GPC6: variants seen among roughly 807,000 people sequenced by gnomAD.
GPC6 encodes glypican 6.
Under a neutral mutation model 55.2 loss-of-function variants are expected in GPC6, and 14 were observed. That is an observed-to-expected ratio of 0.25 (90% CI 0.17 to 0.40). The LOEUF is 0.40. GPC6 is among the 10% of genes least tolerant of loss of function. GPC6 has a pLI of 1.00. For missense variants in GPC6, 641 were observed against 708.5 expected (o/e 0.90, Z 1.08); for synonymous variants, 278 against 259.6 (o/e 1.07, Z -0.68).
intron 2 of GPC6, among the ~76,000 whole-genome samples, chr13:93,588,960 T>C (rs1374516870): frequency 6.6e-6 from 1 of 152,160 alleles, no homozygotes; most frequent in Non-Finnish European, 1.5e-5. Flanking sequence ...GGAAGAGTGC[T>C]ACAGGGGGTT....
chr13:93,816,090 G>A (rs987493219), intron 2 of GPC6, among the ~76,000 whole-genome samples: 1 of 152,068 alleles, frequency 6.6e-6, no homozygotes, highest in Non-Finnish European at 1.5e-5. Context: ...GAGAAAATGA[G>A]CAATGACTTT....
chr13:93,850,291 C>T (rs1278188117), intron 3 of GPC6, among the ~76,000 whole-genome samples: 1 of 151,870 alleles, frequency 6.6e-6, no homozygotes, highest in African/African-American at 2.4e-5. Flanking sequence ...CCTAGCCCAG[C>T]CTTAGAATTC....
intron 1 of GPC6, among the ~76,000 whole-genome samples, chr13:93,282,685 A>G (rs1877992598): frequency 6.6e-6 from 1 of 151,898 alleles, no homozygotes; most frequent in Admixed American, 6.6e-5. Context: ...TTACACAGAA[A>G]AATCACTGCC....
At chr13:93,930,200 G>A (rs888669916) in intron 3 of GPC6, among the ~76,000 whole-genome samples, 21 of 151,632 alleles carry the variant, frequency 1.4e-4, no homozygotes, top group African/African-American at 5.1e-4. Context: ...ACTGTTAACA[G>A]GTATAAGCAG....
chr13:94,234,124 C>G (rs1020137283), intron 4 of GPC6, among the ~76,000 whole-genome samples: 3 of 152,008 alleles, frequency 2.0e-5, no homozygotes, highest in Non-Finnish European at 2.9e-5. Context: ...ATTTCCCCTG[C>G]AATGCTGGGA....
In GPC6 at chr13:93,256,337, AT is replaced by A. The variant is rs544495745; in HGVS notation, c.160+28731del. Among the ~76,000 whole-genome samples, 23 of 149,488 alleles carry A rather than the reference AT, an allele frequency of 1.5e-4. No individual in the cohort carries two copies. In the East Asian group the frequency reaches 2.7e-3, roughly 18 times the overall value. ...TTTCCTATGGACAAGAGAGATCGTC[AT>A]TTTTTTTTTCCTTAAAATGCGTTTA... On this transcript the variant is annotated intron_variant, in intron 1 of 8. Transcript: ENST00000377047.
chr13:94,237,471 C>T (rs1455078399), intron 4 of GPC6, among the ~76,000 whole-genome samples: 1 of 152,092 alleles, frequency 6.6e-6, no homozygotes, highest in Non-Finnish European at 1.5e-5. Context: ...CATTCAACAG[C>T]GGTAAGGTCT....
intron 2 of GPC6, among the ~76,000 whole-genome samples, chr13:93,692,441 G>T (rs1882291923): frequency 6.6e-6 from 1 of 152,004 alleles, no homozygotes; most frequent in Non-Finnish European, 1.5e-5. Flanking sequence ...CAGTTACATT[G>T]ACAATGAAAT....
intron 2 of GPC6, among the ~76,000 whole-genome samples, chr13:93,789,810 A>G (rs1201967226): frequency 6.6e-6 from 1 of 150,984 alleles, no homozygotes; most frequent in Non-Finnish European, 1.5e-5. Context: ...AGGGGCAGTC[A>G]GGAGAGAAGT....
intron 6 of GPC6, among the ~76,000 whole-genome samples, chr13:94,308,147 A>T (rs972364462): frequency 6.6e-6 from 1 of 152,176 alleles, no homozygotes; most frequent in Admixed American, 6.5e-5. Flanking sequence ...CAACTAATTA[A>T]TTTTTTCCCT....
intron 3 of GPC6, among the ~76,000 whole-genome samples, chr13:94,026,228 A>G (rs992297776): frequency 2.6e-5 from 4 of 152,210 alleles, no homozygotes; most frequent in African/African-American, 9.6e-5. Flanking sequence ...ACTGGGTAAA[A>G]TTAAGAAAAT....
At chr13:93,413,216 C>A (rs550046269) in intron 1 of GPC6, among the ~76,000 whole-genome samples, 2 of 152,162 alleles carry the variant, frequency 1.3e-5, no homozygotes, top group African/African-American at 4.8e-5. Context: ...TCTCTTTACA[C>A]TTATGGTGTC....
At chr13:93,995,202 T>TATTTTA (rs1881485981) in intron 3 of GPC6, among the ~76,000 whole-genome samples, 1 of 142,906 alleles carries the variant, frequency 7.0e-6, no homozygotes, top group African/African-American at 2.6e-5. Context: ...TATTTTATTT[T>TATTTTA]TTTGAGACTG....
chr13:94,376,749 C>T (rs1294059149), intron 6 of GPC6, among the ~76,000 whole-genome samples: 1 of 152,156 alleles, frequency 6.6e-6, no homozygotes, highest in Non-Finnish European at 1.5e-5. Context: ...CAAGACAATC[C>T]TAAGCCAAAA....
chr13:93,716,179 A>G (rs529376052), intron 2 of GPC6, among the ~76,000 whole-genome samples: 7 of 151,796 alleles, frequency 4.6e-5, no homozygotes, highest in Non-Finnish European at 1.0e-4. Flanking sequence ...ACTACTTGAA[A>G]ATAATAAGTT....
intron 2 of GPC6, among the ~76,000 whole-genome samples, chr13:93,714,376 C>A (rs1883178390): frequency 6.6e-6 from 1 of 151,894 alleles, no homozygotes; most frequent in Admixed American, 6.6e-5. Flanking sequence ...ATCAAAACCA[C>A]AATGAGATAC....
intron 4 of GPC6, among the ~76,000 whole-genome samples, chr13:94,067,803 C>T (rs1884583949): frequency 6.6e-6 from 1 of 152,074 alleles, no homozygotes; most frequent in African/African-American, 2.4e-5. Flanking sequence ...CCTTAGTGGT[C>T]AAATGGATAG....
chr13:93,433,313 T>G (rs530954242), intron 1 of GPC6, among the ~76,000 whole-genome samples: 2 of 152,324 alleles, frequency 1.3e-5, no homozygotes, highest in Admixed American at 6.5e-5. Context: ...AGCAAAGCTA[T>G]GGGCAGGTCT....
intron 2 of GPC6, among the ~76,000 whole-genome samples, chr13:93,554,429 C>T (rs1229600540): frequency 6.6e-6 from 1 of 152,100 alleles, no homozygotes; most frequent in Non-Finnish European, 1.5e-5. Flanking sequence ...TCCACATGAA[C>T]AGGCCTGTTA....
Sources: gnomAD v4.1 joint callset for allele counts (sites outside exome capture counted in the v4.1 genomes callset) on GRCh38, gnomAD v4.1.1 for gene constraint, MANE v1.5 for transcripts, NCBI Gene and HGNC (gene_info 2026-07-23, HGNC 2026-07-21) for gene names.